The following SMARCAL1 variants were observed in gnomAD, a reference collection of about 807,000 sequenced individuals.
The protein encoded by SMARCAL1 is ATP-driven annealing helicase.
Under a neutral mutation model 94.5 loss-of-function variants are expected in SMARCAL1, and 58 were observed. That is an observed-to-expected ratio of 0.61 (90% confidence interval 0.50 to 0.76). The LOEUF is 0.76. Ranked by LOEUF, SMARCAL1 falls within the 30% of genes least tolerant of loss-of-function variation. The probability of loss-of-function intolerance (pLI) is 0.00; values close to 1 mark genes in which losing one functional copy is unlikely to be tolerated. For missense variants in SMARCAL1, 1,051 were observed against 1,177.9 expected (o/e 0.89, Z 1.58); for synonymous variants, 422 against 455.1 (o/e 0.93, Z 0.93).
chr2:216,413,865 A>AAAC lies in SMARCAL1; in HGVS notation c.-86_-85insAAC, dbSNP rs1031657272. On this transcript the variant is annotated 5_prime_UTR_variant, in exon 2 of 18. Coordinates refer to ENST00000357276, the MANE Select transcript of SMARCAL1 (RefSeq NM_014140.4). ...TTTTTCCTTCTTCTAGGTTGGAAAA[A>AAAC]GACTATGTTAGCAAGTGTCACGCCA... 1.3e-5 allele frequency: 2 copies of AAAC among 152,232 alleles called. No homozygotes were observed. The highest frequency in any genetic ancestry group is 1.5e-5 in the Non-Finnish European group (1 of 68,048). 9.4% of individuals were successfully genotyped at this position (152,232 alleles called of 1,614,324 possible).
chr2:216,477,590 A>AG (rs1695115255), intron 16 of SMARCAL1, among the ~76,000 whole-genome samples: 1 of 152,138 alleles, frequency 6.6e-6, no homozygotes, highest in Non-Finnish European at 1.5e-5. Flanking sequence ...TATGATGTGC[A>AG]TTTATCTGGT....
intron 13 of SMARCAL1, 47 bp from the exon 14 acceptor site, chr2:216,467,897 A>G (rs1209146668): frequency 8.8e-7 from 1 of 1,130,880 alleles, no homozygotes; most frequent in Non-Finnish European, 1.3e-6. Flanking sequence ...CACATAAAAC[A>G]TAAGGAGTAT....
intron 12 of SMARCAL1, among the ~76,000 whole-genome samples, chr2:216,458,837 A>G (rs998911000): frequency 3.3e-5 from 5 of 152,196 alleles, no homozygotes; most frequent in Non-Finnish European, 7.3e-5. Flanking sequence ...GGCCAGGGCA[A>G]TCAGGCAGGA....
chr2:216,471,516 G>A (rs2106081627), intron 14 of SMARCAL1, among the ~76,000 whole-genome samples: 1 of 152,268 alleles, frequency 6.6e-6, no homozygotes, highest in Non-Finnish European at 1.5e-5. Flanking sequence ...ACCATGCCCA[G>A]CTAATGTTTG....
rs149134748 is a variant in SMARCAL1 at position 216,478,684 on chromosome 2, G to A, written c.2625+385G>A. Among the ~76,000 whole-genome samples, 56 of 152,320 alleles carry A rather than the reference G, an allele frequency of 3.7e-4. No homozygotes were observed. In the East Asian group the frequency reaches 0.011, roughly 29 times the overall value. On this transcript the variant is annotated intron_variant, in intron 17 of 17. Transcript: ENST00000357276. ...GGGGAGTGTTTAAAATAGGGTACTG[G>A]CTTCATAGAATATATTTTCCCTTCT... is the stretch of plus-strand genomic sequence containing the variant.
At chr2:216,433,680 C>T (rs982764769) in intron 8 of SMARCAL1, among the ~76,000 whole-genome samples, 2 of 152,076 alleles carry the variant, frequency 1.3e-5, no homozygotes, top group Non-Finnish European at 2.9e-5. Context: ...CACCCTTGAG[C>T]TTTTTTTGCT....
At chr2:216,460,146 A>G (rs1354774705) in intron 12 of SMARCAL1, among the ~76,000 whole-genome samples, 1 of 152,236 alleles carries the variant, frequency 6.6e-6, no homozygotes, top group Non-Finnish European at 1.5e-5. Flanking sequence ...ATACCATCTC[A>G]CACCAGTTAG....
chr2:216,464,820 A>G (rs1694796751), intron 13 of SMARCAL1, among the ~76,000 whole-genome samples, 153 bp downstream of exon 13: 1 of 152,226 alleles, frequency 6.6e-6, no homozygotes, highest in African/African-American at 2.4e-5. Flanking sequence ...GAAAAAATAA[A>G]ACAGATGATC....
chr2:216,458,696 G>A (rs28820398), intron 12 of SMARCAL1, among the ~76,000 whole-genome samples: 3 of 152,116 alleles, frequency 2.0e-5, no homozygotes, highest in African/African-American at 7.2e-5. Flanking sequence ...AATAATAAGA[G>A]CTATTTATGA....
chr2:216,451,510 C>T (rs1694448703), intron 12 of SMARCAL1: 1 of 195,766 alleles, frequency 5.1e-6, no homozygotes, highest in African/African-American at 2.3e-5. Flanking sequence ...ATTCTTATAA[C>T]AAAATAGAGT....
At position 216,415,344 on chromosome 2, in the gene SMARCAL1, G is replaced by GT. The variant is rs2106015104; in HGVS notation, c.641dup (p.Thr215AsnfsTer49). The GT allele has an allele frequency of 6.2e-7, 1 of 1,614,248 alleles. No homozygotes were observed. ...TTACATCCATTCTAGCTCAGAGAGT[G>GT]TAACGCCCAGGACAGAAGGAAGACT... On this transcript the variant is annotated frameshift_variant, in exon 3 of 18. Transcript: ENST00000357276. LOFTEE classifies it high-confidence loss of function.
At chr2:216,418,355 A>C (rs1693649821) in intron 4 of SMARCAL1, among the ~76,000 whole-genome samples, 1 of 152,220 alleles carries the variant, frequency 6.6e-6, no homozygotes, top group Non-Finnish European at 1.5e-5. Flanking sequence ...AATTTTTCTA[A>C]TTGTTTGGCT....
intron 14 of SMARCAL1, among the ~76,000 whole-genome samples, chr2:216,472,225 C>T (rs912309629): frequency 1.4e-4 from 22 of 152,058 alleles, no homozygotes; most frequent in African/African-American, 5.3e-4. Flanking sequence ...CATAGTGGTG[C>T]ATGCCTGTAA....
At chr2:216,445,584 T>A (rs1380975381) in intron 10 of SMARCAL1, among the ~76,000 whole-genome samples, 1 of 147,128 alleles carries the variant, frequency 6.8e-6, no homozygotes, top group Admixed American at 6.8e-5. Flanking sequence ...TGGGGAGATT[T>A]TCTCTTTTTG....
In SMARCAL1 at chr2:216,458,157, A is replaced by G. The variant is rs1168600411; in HGVS notation, c.2071-6440A>G. Among the ~76,000 whole-genome samples the G allele has an allele frequency of 5.9e-5, 9 of 152,328 alleles. No individual in the cohort carries two copies. In the East Asian group the frequency reaches 1.7e-3, roughly 29 times the overall value. On this transcript the variant is annotated intron_variant, in intron 12 of 17. Coordinates refer to ENST00000357276, the MANE Select transcript of SMARCAL1 (RefSeq NM_014140.4). Reference sequence around the variant, plus strand: ...AGGAAGAAGTTGAATCTCTGAATAGACCAATAACAGGCTCTGAAATTGAGG... The same window carrying G: ...AGGAAGAAGTTGAATCTCTGAATAGGCCAATAACAGGCTCTGAAATTGAGG...
Position 216,458,802 on chromosome 2 carries a change from T to G in SMARCAL1, c.2071-5795T>G, listed in dbSNP as rs555410303. On this transcript the variant is annotated intron_variant, in intron 12 of 17. Coordinates refer to ENST00000357276, the MANE Select transcript of SMARCAL1 (RefSeq NM_014140.4). Reference sequence around the variant, plus strand: ...CAGGGATGCCCTCTCTCACCACTCCTATTCAGCATAGTGTTGGAAGTTCTG... The same window carrying G: ...CAGGGATGCCCTCTCTCACCACTCCGATTCAGCATAGTGTTGGAAGTTCTG... Among the ~76,000 whole-genome samples, 28 of 152,302 alleles carry G rather than the reference T, an allele frequency of 1.8e-4. 1 individual carries two copies. Among genetic ancestry groups the G allele is most frequent in the African/African-American group, 6.7e-4 (28 of 41,558 alleles).
In SMARCAL1 at chr2:216,459,835, G is replaced by A. The variant is rs1347869951; in HGVS notation, c.2071-4762G>A. Among the ~76,000 whole-genome samples the A allele has an allele frequency of 3.3e-5, 5 of 150,644 alleles. No homozygotes were observed. In the South Asian group the frequency reaches 6.3e-4, roughly 19 times the overall value. On this transcript the variant is annotated intron_variant, in intron 12 of 17. Transcript: ENST00000357276. ...GCAACAAAAGCCAAAATTGACAAAT[G>A]GGATCTAATTAAACTAAAGAGCTTC...
At position 216,427,744 on chromosome 2, in the gene SMARCAL1, G is replaced by A. The variant is rs547178317; in HGVS notation, c.1148-852G>A. On this transcript the variant is annotated intron_variant, in intron 6 of 17. Coordinates refer to ENST00000357276, the MANE Select transcript of SMARCAL1 (RefSeq NM_014140.4). Reference sequence around the variant, plus strand: ...TGAAAATACAAAGCAATTGGAGGTAGCAGTAGATGGCTCAGCCCTGCACGT... The same window carrying A: ...TGAAAATACAAAGCAATTGGAGGTAACAGTAGATGGCTCAGCCCTGCACGT... Among the ~76,000 whole-genome samples, 80 of 152,332 alleles carry A rather than the reference G, an allele frequency of 5.3e-4. 1 individual carries two copies. Among genetic ancestry groups the A allele is most frequent in the African/African-American group, 1.8e-3 (75 of 41,560 alleles).
At chr2:216,453,103 A>G (rs891379546) in intron 12 of SMARCAL1, among the ~76,000 whole-genome samples, 3 of 152,198 alleles carry the variant, frequency 2.0e-5, no homozygotes, top group African/African-American at 7.2e-5. Context: ...TTTGCTTTGT[A>G]AACACCACAG....
Sources: gnomAD v4.1 joint callset for allele counts (sites outside exome capture counted in the v4.1 genomes callset) on GRCh38, gnomAD v4.1.1 for gene constraint, MANE v1.5 for transcripts, NCBI Gene and HGNC (gene_info 2026-07-23, HGNC 2026-07-21) for gene names.